The following NAALADL2 variants were observed in gnomAD, a reference collection of about 807,000 sequenced individuals.
NAALADL2 encodes inactive N-acetylated-alpha-linked acidic dipeptidase-like protein 2.
NAALADL2 carries 76 observed loss-of-function variants against 87.2 expected under a neutral mutation model. The ratio of observed to expected loss-of-function variants is 0.87; its 90% CI spans 0.72 to 1.05. The LOEUF (loss-of-function observed/expected upper bound fraction) is 1.05, where lower values mean the gene tolerates loss of function less well. NAALADL2 is among the 50% of genes least tolerant of loss of function. The pLI, the probability that NAALADL2 is intolerant of heterozygous loss-of-function variation, is 0.00. For missense variants in NAALADL2, 1,089 were observed against 945.8 expected, an observed-to-expected ratio of 1.15 and a Z score of -1.99; for synonymous variants, 354 against 331.0, an observed-to-expected ratio of 1.07 and a Z score of -0.75.
chr3:175,081,106 A>T (rs1449914223), intron 1 of NAALADL2: 3 of 152,194 alleles, frequency 2.0e-5, no homozygotes, highest in Non-Finnish European at 4.4e-5. Flanking sequence ...CAAGACCAAT[A>T]ACTAGTCACC....
intron 1 of NAALADL2, among the ~76,000 whole-genome samples, chr3:174,874,820 G>A (rs2109646178): frequency 6.6e-6 from 1 of 152,124 alleles, no homozygotes; most frequent in South Asian, 2.1e-4. Flanking sequence ...GACAGTGAGA[G>A]TCTGCTTTGT....
intron 2 of NAALADL2, among the ~76,000 whole-genome samples, chr3:174,671,262 A>T (rs1410717665): frequency 6.6e-6 from 1 of 152,102 alleles, no homozygotes; most frequent in Non-Finnish European, 1.5e-5. Context: ...CACACTTATG[A>T]GGTAGTTTAT....
At position 175,805,107 on chromosome 3, in the gene NAALADL2, C is replaced by T. The variant is rs2108370613; in HGVS notation, c.*1904C>T. On this transcript the variant is annotated 3_prime_UTR_variant, in exon 14 of 14. Coordinates refer to ENST00000454872, the MANE Select transcript of NAALADL2 (RefSeq NM_207015.3). ...AAGCAGGTGCATGTAAGCCCAAAAG[C>T]TAGAAAGCCTTATATTTAACCAAAG... is the stretch of plus-strand genomic sequence containing the variant. 1 of 151,362 alleles carries T rather than the reference C, an allele frequency of 6.6e-6. No individual in the cohort carries two copies. The highest frequency in any genetic ancestry group is 2.4e-5 in the African/African-American group (1 of 40,944). 9.4% of individuals were successfully genotyped at this position (151,362 alleles called of 1,614,324 possible).
chr3:175,121,161 A>T (rs1172287843), intron 2 of NAALADL2, among the ~76,000 whole-genome samples: 2 of 151,854 alleles, frequency 1.3e-5, no homozygotes, highest in African/African-American at 4.8e-5. Context: ...TATAACAAGG[A>T]ATAGAAATTT....
At chr3:174,957,212 A>G (rs576871115) in intron 1 of NAALADL2, among the ~76,000 whole-genome samples, 66 of 152,136 alleles carry the variant, frequency 4.3e-4, no homozygotes, top group African/African-American at 1.5e-3. Context: ...GACTTCCTTG[A>G]TAGCCAGGAG....
At chr3:174,787,600 T>TATATATATATATATACACACAC (rs1716913506) in intron 3 of NAALADL2, among the ~76,000 whole-genome samples, 3 of 68,460 alleles carry the variant, frequency 4.4e-5, no homozygotes, top group Middle Eastern at 0.015. Context: ...TATATATATA[T>TATATATATATATATACACACAC]ATATATATAT....
chr3:175,235,660 T>C (rs1371777889), intron 3 of NAALADL2: 3 of 152,266 alleles, frequency 2.0e-5, no homozygotes, highest in Non-Finnish European at 4.4e-5. Flanking sequence ...ACCTCTTCTT[T>C]ATCCCAGTTG....
intron 1 of NAALADL2, among the ~76,000 whole-genome samples, chr3:175,021,186 T>A (rs1027652468): frequency 3.9e-5 from 6 of 152,028 alleles, no homozygotes; most frequent in Non-Finnish European, 1.5e-5. Context: ...GTCGCAGGTC[T>A]AATTGCTCTT....
At chr3:175,005,792 T>C (rs958444773) in intron 1 of NAALADL2, among the ~76,000 whole-genome samples, 3 of 152,168 alleles carry the variant, frequency 2.0e-5, no homozygotes, top group African/African-American at 7.2e-5. Flanking sequence ...TTTGTTTTAT[T>C]TTAGATTTAA....
intron 4 of NAALADL2, among the ~76,000 whole-genome samples, chr3:175,311,673 T>C (rs1758379719): frequency 6.9e-6 from 1 of 145,376 alleles, no homozygotes; most frequent in Non-Finnish European, 1.5e-5. Flanking sequence ...CTTTCCTTCC[T>C]TTCCTGCTTC....
intron 11 of NAALADL2, among the ~76,000 whole-genome samples, chr3:175,695,322 T>C (rs534900188): frequency 2.0e-5 from 3 of 152,258 alleles, no homozygotes; most frequent in African/African-American, 7.2e-5. Context: ...ATGTTCATAG[T>C]GAAGTTTAAA....
At chr3:175,337,408 GGAGATAGTCTTTTAAAAGCC>G (rs1397681127) in intron 5 of NAALADL2, among the ~76,000 whole-genome samples, 1 of 152,060 alleles carries the variant, frequency 6.6e-6, no homozygotes, top group Non-Finnish European at 1.5e-5. Flanking sequence ...GATTGTATTT[GGAGATAGTCTTTTAAAAGCC>G]AATGAAGTTG....
intron 5 of NAALADL2, among the ~76,000 whole-genome samples, chr3:175,345,265 T>C (rs947028951): frequency 6.6e-6 from 1 of 152,076 alleles, no homozygotes; most frequent in African/African-American, 2.4e-5. Flanking sequence ...TTCATACGTT[T>C]TATTCCATGA....
chr3:175,500,854 A>G (rs1464157733), intron 9 of NAALADL2, among the ~76,000 whole-genome samples: 1 of 152,160 alleles, frequency 6.6e-6, no homozygotes, highest in South Asian at 2.1e-4. Context: ...ACATTTTGCT[A>G]TATGAAATAG....
At chr3:174,943,330 G>T (rs1026287288) in intron 1 of NAALADL2, among the ~76,000 whole-genome samples, 2 of 152,116 alleles carry the variant, frequency 1.3e-5, no homozygotes, top group African/African-American at 4.8e-5. Context: ...TGAAGCTTTG[G>T]GGTATGCTCC....
intron 1 of NAALADL2, among the ~76,000 whole-genome samples, chr3:174,971,254 T>C (rs1339369588): frequency 1.3e-5 from 2 of 152,308 alleles, no homozygotes; most frequent in East Asian, 1.9e-4. Flanking sequence ...CCAAACCATA[T>C]TGGGCATCTC....
At chr3:175,132,675 C>A (rs1461817535) in intron 2 of NAALADL2, among the ~76,000 whole-genome samples, 1 of 134,172 alleles carries the variant, frequency 7.5e-6, no homozygotes, top group Admixed American at 7.1e-5. Flanking sequence ...CCTCCACCTC[C>A]CTCCCGGACG....
intron 2 of NAALADL2, among the ~76,000 whole-genome samples, chr3:174,656,844 CAT>C (rs2108768178): frequency 6.6e-6 from 1 of 152,132 alleles, no homozygotes; most frequent in African/African-American, 2.4e-5. Flanking sequence ...TAATTATCAA[CAT>C]AAATAAGGCC....
In NAALADL2 at chr3:174,979,280, A is replaced by G. The variant is rs553527490; in HGVS notation, c.44-117510A>G. Among the ~76,000 whole-genome samples, 7 of 147,606 alleles carry G rather than the reference A, an allele frequency of 4.7e-5. No homozygotes were observed. The South Asian group carries it at 1.3e-3, about 27-fold the overall frequency. ...TGTAATAAAAGACTTACCAATATCT[A>G]GTATAATTTTCTTTCTTTCTTTTCT... On this transcript the variant is annotated intron_variant, in intron 1 of 13. Transcript: ENST00000454872.
Sources: allele counts gnomAD v4.1 joint callset (sites outside exome capture counted in the v4.1 genomes callset), GRCh38; gene constraint gnomAD v4.1.1; transcripts MANE v1.5; gene names NCBI Gene and HGNC (gene_info 2026-07-23, HGNC 2026-07-21).